NFAT5: variants seen among roughly 807,000 people sequenced by gnomAD.
NFAT5 encodes nuclear factor of activated T cells 5.
NFAT5 carries 31 observed loss-of-function variants against 166.5 expected under a neutral mutation model. The ratio of observed to expected loss-of-function variants is 0.19; its 90% CI spans 0.14 to 0.25. NFAT5 has a LOEUF of 0.25. Ranked by LOEUF, NFAT5 falls within the 10% of genes least tolerant of loss-of-function variation. The probability of loss-of-function intolerance (pLI) is 1.00; values close to 1 mark genes in which losing one functional copy is unlikely to be tolerated. For synonymous variants in NFAT5, 612 were observed against 639.7 expected, an observed-to-expected ratio of 0.96 and a Z score of 0.65; for missense variants, 1,449 against 1,821.8, an observed-to-expected ratio of 0.80 and a Z score of 3.72.
chr16:69,678,434 C>CA (rs1246353453), intron 10 of NFAT5, among the ~76,000 whole-genome samples: 1 of 151,994 alleles, frequency 6.6e-6, no homozygotes, highest in Non-Finnish European at 1.5e-5. Flanking sequence ...AGGCTGGTCT[C>CA]AAATTCCTGA....
At chr16:69,696,064 ATACTCAAC>A (rs1385825584) in intron 14 of NFAT5, among the ~76,000 whole-genome samples, 1 of 152,230 alleles carries the variant, frequency 6.6e-6, no homozygotes, top group Non-Finnish European at 1.5e-5. Context: ...TAGATAAGGG[ATACTCAAC>A]CTATATTGGA....
At chr16:69,676,490 A>T (rs1331716346) in intron 9 of NFAT5, among the ~76,000 whole-genome samples, 2 of 152,196 alleles carry the variant, frequency 1.3e-5, no homozygotes, top group African/African-American at 2.4e-5. Context: ...ATGGTAACTG[A>T]CTTTGCCCTT....
chr16:69,649,923 TTA>T (rs2035596482), intron 4 of NFAT5, among the ~76,000 whole-genome samples: 1 of 152,110 alleles, frequency 6.6e-6, no homozygotes, highest in South Asian at 2.1e-4. Flanking sequence ...AATAGCATTT[TTA>T]TATGACTAAG....
chr16:69,647,482 A>C lies in NFAT5; in HGVS notation c.708A>C (p.Glu236Asp). The C allele has an allele frequency of 6.2e-7, 1 of 1,613,186 alleles. No individual in the cohort carries two copies. Among genetic ancestry groups the C allele is most frequent in the Non-Finnish European group, 8.5e-7 (1 of 1,180,018 alleles). Residue 236 changes from glutamate (E) to aspartate (D), a missense_variant, in exon 4 of 15, where the codon GAA becomes GAC. Coordinates refer to ENST00000349945, the MANE Select transcript of NFAT5 (RefSeq NM_138713.4). This position sits in a 1 kb window ranked among gnomAD's most constrained non-coding sequence, Gnocchi z 4.8. ...QRPGVKRRDCEESNMDIFDAD... is the reference protein window; with the variant it reads ...QRPGVKRRDCDESNMDIFDAD... ...CGGGGGTCAAACGACGAGATTGTGA[A>C]GAATCTAATATGGATATATTTGATG...
chr16:69,588,980 C>CT (rs945918292), intron 2 of NFAT5, among the ~76,000 whole-genome samples: 1,617 of 34,460 alleles, frequency 0.047, 188 homozygotes, highest in Non-Finnish European at 0.071. Context: ...TTTCCTACTT[C>CT]TTTTTTTTTT....
intron 4 of NFAT5, chr16:69,649,466 A>T: frequency 1.0e-6 from 1 of 984,636 alleles, no homozygotes; most frequent in Non-Finnish European, 1.2e-6. Flanking sequence ...ATTTGAGGTT[A>T]CCCAGGGAAA....
chr16:69,669,435 C>T (rs979235167), intron 7 of NFAT5, among the ~76,000 whole-genome samples: 4 of 152,156 alleles, frequency 2.6e-5, no homozygotes, highest in Middle Eastern at 3.4e-3. Flanking sequence ...ATCTCAGCTA[C>T]TGAGGAGGCT....
In NFAT5 at chr16:69,626,402, G is replaced by C. The variant is rs1355713419; in HGVS notation, c.128-1G>C. 1.9e-6 allele frequency: 3 copies of C among 1,558,286 alleles called. No homozygotes were observed. Among genetic ancestry groups the C allele is most frequent in the Non-Finnish European group, 8.6e-7 (1 of 1,158,020 alleles). ...TTCTCCTCTCTTTCCCCTCCCCACA[G>C]AATCTGTCTATGATCTTCTCCCAAA... is the stretch of plus-strand genomic sequence containing the variant. On this transcript the variant is annotated splice_acceptor_variant, in intron 2 of 14. Transcript: ENST00000349945. LOFTEE classifies it high-confidence loss of function.
chr16:69,602,374 C>A (rs1316440391), intron 2 of NFAT5, among the ~76,000 whole-genome samples: 6 of 149,796 alleles, frequency 4.0e-5, no homozygotes, highest in Non-Finnish European at 7.4e-5. Context: ...TCAAATGATT[C>A]TCCTGCCTCA....
intron 2 of NFAT5, among the ~76,000 whole-genome samples, chr16:69,582,169 G>T (rs2031743696): frequency 6.6e-6 from 1 of 152,140 alleles, no homozygotes; most frequent in South Asian, 2.1e-4. Flanking sequence ...GGAGGCTGAG[G>T]CAGGAGAATT....
chr16:69,671,531 C>A (rs2036620360), intron 9 of NFAT5, among the ~76,000 whole-genome samples: 1 of 152,186 alleles, frequency 6.6e-6, no homozygotes, highest in Non-Finnish European at 1.5e-5. Context: ...CCACCATGTC[C>A]AGCTAATTTT....
chr16:69,649,497 A>G, intron 4 of NFAT5: 5 of 984,086 alleles, frequency 5.1e-6, no homozygotes, highest in Non-Finnish European at 6.0e-6. Context: ...ATTGGTCAAG[A>G]CAGACTCTTT....
chr16:69,656,729 G>C (rs924453465), intron 6 of NFAT5, among the ~76,000 whole-genome samples: 2 of 152,212 alleles, frequency 1.3e-5, no homozygotes, highest in Non-Finnish European at 2.9e-5. Flanking sequence ...TGGGATTACA[G>C]GCATGAGCCG....
rs2034506017 is a variant in NFAT5 at position 69,627,321 on chromosome 16, AACATATATATATATATAT to A, written c.253+795_253+812del. On this transcript the variant is annotated intron_variant, in intron 3 of 14. Transcript: ENST00000349945. ...AAGTGTGTTTGTTTTAAAAAAAGGA[AACATATATATATATATAT>A]ATATATATATATATATATATATATA... Among the ~76,000 whole-genome samples the A allele has an allele frequency of 1.4e-4, 13 of 94,186 alleles. No homozygotes were observed. The Admixed American group carries it at 1.6e-3, about 11-fold the overall frequency. The allele number at this position is 94,186 out of a possible 152,430, so 61.8% of individuals were successfully genotyped here.
chr16:69,626,510 C>G lies in NFAT5; in HGVS notation c.235C>G (p.Pro79Ala), dbSNP rs150173981. The G allele has an allele frequency of 3.8e-6, 6 of 1,562,734 alleles. No individual in the cohort carries two copies. The African/African-American group carries it at 6.9e-5, about 18-fold the overall frequency. Reference protein sequence around the residue: ...TSGGEAGSPPPAVVAADASSA... With the variant: ...TSGGEAGSPPAAVVAADASSA... ...CGGTGGTGAGGCAGGCTCGCCTCCT[C>G]CAGCTGTTGTTGCTGCTGGTATGCA... Residue 79 changes from proline (P) to alanine (A), a missense_variant, in exon 3 of 15, where the codon CCA becomes GCA. Pro to Ala is a conservative substitution (Grantham distance 27, BLOSUM62 -1). Around this residue, in one of 7 missense-constraint regions of NFAT5, gnomAD observed 172 missense variants for 194.5 expected, o/e 0.88. Transcript: ENST00000349945.
At chr16:69,573,261 T>C (rs773180814) in intron 2 of NFAT5, among the ~76,000 whole-genome samples, 2 of 152,212 alleles carry the variant, frequency 1.3e-5, no homozygotes, top group Non-Finnish European at 2.9e-5. Flanking sequence ...CTAATCTATT[T>C]GATATGGTAC....
At chr16:69,641,320 C>CT (rs922134500) in intron 3 of NFAT5, among the ~76,000 whole-genome samples, 66 of 141,600 alleles carry the variant, frequency 4.7e-4, no homozygotes, top group Middle Eastern at 7.5e-3. Context: ...TTCCAAATAT[C>CT]TTTTTTTTAA....
Position 69,566,058 on chromosome 16 carries a change from T to A in NFAT5, c.-244T>A. 1 of 345,108 alleles carries A rather than the reference T, an allele frequency of 2.9e-6. No individual in the cohort carries two copies. 21.4% of individuals were successfully genotyped at this position (345,108 alleles called of 1,614,324 possible). A position where few individuals can be genotyped will look rare whatever the true frequency, so the allele number is the denominator to read the frequency against. Reference sequence around the variant, plus strand: ...GACCCTTTGGCTCTCCCCCTTCCCCTTCCCCGTCCTGAACCCCTCTCCTGG... The same window carrying A: ...GACCCTTTGGCTCTCCCCCTTCCCCATCCCCGTCCTGAACCCCTCTCCTGG... On this transcript the variant is annotated 5_prime_UTR_variant, in exon 1 of 15. Coordinates refer to ENST00000349945, the MANE Select transcript of NFAT5 (RefSeq NM_138713.4). This position sits in a 1 kb window ranked among gnomAD's most constrained non-coding sequence, Gnocchi z 5.7.
At chr16:69,659,132 T>A (rs56374617) in intron 6 of NFAT5, among the ~76,000 whole-genome samples, 44,687 of 150,402 alleles carry the variant, frequency 0.3, 6,696 homozygotes, top group East Asian at 0.43. Flanking sequence ...TTTTTTATTT[T>A]TTTTTTTTTT....
Sources: allele counts gnomAD v4.1 joint callset (sites outside exome capture counted in the v4.1 genomes callset), GRCh38; gene constraint gnomAD v4.1.1; regional missense constraint gnomAD v4.1.1; non-coding constraint Gnocchi (gnomAD v3.1); transcripts MANE v1.5; gene names NCBI Gene and HGNC (gene_info 2026-07-23, HGNC 2026-07-21).